Variants in TTC17 observed in about 807,000 individuals in gnomAD.
The protein encoded by TTC17 is tetratricopeptide repeat protein 17.
In TTC17, 58 loss-of-function variants were observed where a neutral mutation model predicts 143.8. That is an observed-to-expected ratio of 0.40 (90% CI 0.33 to 0.50). The LOEUF (loss-of-function observed/expected upper bound fraction) is 0.50, where lower values mean the gene tolerates loss of function less well. Ranked by LOEUF, TTC17 falls within the 20% of genes least tolerant of loss-of-function variation. The pLI is 0.49. For missense variants in TTC17, 1,273 were observed against 1,392.5 expected, an observed-to-expected ratio of 0.91 and a Z score of 1.37; for synonymous variants, 501 against 497.8, an observed-to-expected ratio of 1.01 and a Z score of -0.09.
At chr11:43,472,044 T>TA (rs1948102363) in intron 21 of TTC17, among the ~76,000 whole-genome samples, 1 of 150,316 alleles carries the variant, frequency 6.7e-6, no homozygotes, top group Non-Finnish European at 1.5e-5. Context: ...ATACAACAGT[T>TA]AAAATTAAAC....
At chr11:43,450,283 G>T (rs1947632407) in intron 20 of TTC17, 42 bp downstream of exon 20, 2 of 1,587,742 alleles carry the variant, frequency 1.3e-6, no homozygotes, top group Non-Finnish European at 1.7e-6. Flanking sequence ...TAGCCTCACA[G>T]TTAGGATGCA....
chr11:43,372,744 G>T (rs1024220831), intron 1 of TTC17, among the ~76,000 whole-genome samples: 1 of 152,046 alleles, frequency 6.6e-6, no homozygotes, highest in Non-Finnish European at 1.5e-5. Context: ...ACCCGCCTCA[G>T]CCTGCCAAAG....
At position 43,362,355 on chromosome 11, in the gene TTC17, A is replaced by C. The variant is rs114754518; in HGVS notation, c.159+3242A>C. On this transcript the variant is annotated intron_variant, in intron 1 of 23. Coordinates refer to ENST00000039989, the MANE Select transcript of TTC17 (RefSeq NM_018259.6). ...TTAAGTACATCAAGGAGTCTTTCCC[A>C]GGAGAGATGAAAATTCATTTGATTT... is the stretch of plus-strand genomic sequence containing the variant. Among the ~76,000 whole-genome samples the C allele has an allele frequency of 8.1e-4, 124 of 152,256 alleles. No homozygotes were observed. In the Middle Eastern group the frequency reaches 0.01, roughly 13 times the overall value.
chr11:43,455,081 AAATAAT>A (rs904867502), intron 21 of TTC17, among the ~76,000 whole-genome samples: 20 of 150,844 alleles, frequency 1.3e-4, no homozygotes, highest in Non-Finnish European at 1.9e-4. Context: ...AGAATGCAAA[AAATAAT>A]AATAATAATA....
Position 43,405,567 on chromosome 11 carries a change from T to G in TTC17, c.1533T>G (p.Pro511=). 1 of 1,613,980 alleles carries G rather than the reference T, an allele frequency of 6.2e-7. No homozygotes were observed. The highest frequency in any genetic ancestry group is 1.3e-5 in the African/African-American group (1 of 75,046). Residue 511 remains proline (P), a synonymous_variant, in exon 12 of 24, where the codon CCT becomes CCG. Transcript: ENST00000039989. The part of the protein sequence containing the change: ...PKRADCTESY[P]RVPVGGELPT... The stretch of plus-strand genomic sequence containing the variant: ...GAGCAGATTGTACAGAAAGCTACCC[T>G]AGAGTCCCTGTTGGTGGGGAATTGC...
intron 16 of TTC17, among the ~76,000 whole-genome samples, chr11:43,441,811 A>C (rs1386747489): frequency 5.9e-5 from 9 of 152,226 alleles, no homozygotes; most frequent in African/African-American, 2.4e-5. Flanking sequence ...CCTCTCTCTC[A>C]GAATTTTTAA....
At chr11:43,403,154 G>A (rs551387285) in intron 10 of TTC17, among the ~76,000 whole-genome samples, 1 of 152,206 alleles carries the variant, frequency 6.6e-6, no homozygotes, top group East Asian at 1.9e-4. Context: ...GGGAAGAAGG[G>A]GGATGTTTAG....
At chr11:43,434,555 G>C (rs142439908) in intron 16 of TTC17, among the ~76,000 whole-genome samples, 10 of 152,290 alleles carry the variant, frequency 6.6e-5, no homozygotes, top group African/African-American at 2.4e-4. Flanking sequence ...TGGTTTTTAT[G>C]AGGATAAAGT....
chr11:43,375,261 AG>A (rs1379656142), intron 1 of TTC17, among the ~76,000 whole-genome samples: 5 of 152,140 alleles, frequency 3.3e-5, no homozygotes, highest in Non-Finnish European at 7.4e-5. Context: ...ACCATGACCA[AG>A]GGAAAGAAAT....
intron 5 of TTC17, among the ~76,000 whole-genome samples, chr11:43,394,866 A>T (rs1294426368): frequency 6.6e-6 from 1 of 152,138 alleles, no homozygotes; most frequent in African/African-American, 2.4e-5. Context: ...AAAGCCAGCA[A>T]AAAAGACCAG....
At chr11:43,466,967 TA>T (rs1444144912) in intron 21 of TTC17, 1 of 158,192 alleles carries the variant, frequency 6.3e-6, no homozygotes, top group African/African-American at 2.4e-5. Flanking sequence ...CAATATCCTA[TA>T]ATATTTGTGC....
chr11:43,395,945 G>A (rs911509688), intron 5 of TTC17, among the ~76,000 whole-genome samples: 4 of 151,970 alleles, frequency 2.6e-5, no homozygotes, highest in Non-Finnish European at 5.9e-5. Flanking sequence ...AGAATTGTGG[G>A]AGTCAAAGGG....
chr11:43,421,161 G>T (rs1361099998), intron 16 of TTC17, among the ~76,000 whole-genome samples: 2 of 152,034 alleles, frequency 1.3e-5, no homozygotes, highest in African/African-American at 4.8e-5. Context: ...AAGGGGTTGG[G>T]GTCATTAAGG....
chr11:43,457,301 A>G (rs1241569270), intron 21 of TTC17, among the ~76,000 whole-genome samples: 1 of 152,140 alleles, frequency 6.6e-6, no homozygotes, highest in African/African-American at 2.4e-5. Flanking sequence ...TCAGGCAGGA[A>G]TGAGTTGATC....
Position 43,450,079 on chromosome 11 carries a change from C to T in TTC17, c.2787-3C>T. ...AGCTAATGTGGTAATCTCCATTTTTCAGCATCACAGAACACATAGATTTTG... is the reference window on the plus strand; with the variant it reads ...AGCTAATGTGGTAATCTCCATTTTTTAGCATCACAGAACACATAGATTTTG... On this transcript the variant is annotated splice_polypyrimidine_tract_variant and splice_region_variant and intron_variant, in intron 19 of 23. Transcript: ENST00000039989. 2.5e-6 allele frequency: 4 copies of T among 1,610,898 alleles called. No individual in the cohort carries two copies. Among genetic ancestry groups the T allele is most frequent in the East Asian group, 2.2e-5 (1 of 44,822 alleles).
chr11:43,391,789 A>G (rs374822444), intron 4 of TTC17, 32 bp from the exon 5 acceptor site: 1 of 1,605,026 alleles, frequency 6.2e-7, no homozygotes, highest in African/African-American at 1.3e-5. Context: ...ATATCCTTTG[A>G]TATGTCTTTT....
intron 23 of TTC17, 21 bp from the exon 24 acceptor site, chr11:43,493,752 T>C: frequency 6.2e-7 from 1 of 1,613,946 alleles, no homozygotes; most frequent in Non-Finnish European, 8.5e-7. Flanking sequence ...CCCCTCACAT[T>C]TCTCTCCTTG....
At chr11:43,379,186 C>A (rs775151627) in intron 1 of TTC17, 47 bp from the exon 2 acceptor site, 2 of 1,520,374 alleles carry the variant, frequency 1.3e-6, no homozygotes, top group Non-Finnish European at 1.8e-6. Context: ...TAATCCAAAC[C>A]AGCATTAATG....
chr11:43,403,992 T>G lies in TTC17; in HGVS notation c.1333-6T>G. Reference sequence around the variant, plus strand: ...ATTTGATTGAACTTTTTGTTTCATTTTCTAGTTTGGTGAGGATTCATCAAC... The same window carrying G: ...ATTTGATTGAACTTTTTGTTTCATTGTCTAGTTTGGTGAGGATTCATCAAC... On this transcript the variant is annotated splice_region_variant and splice_polypyrimidine_tract_variant and intron_variant, in intron 10 of 23. Transcript: ENST00000039989. 6.3e-7 allele frequency: 1 copy of G among 1,580,456 alleles called. No homozygotes were observed. Among genetic ancestry groups the G allele is most frequent in the Non-Finnish European group, 8.6e-7 (1 of 1,163,892 alleles).
Sources: gnomAD v4.1 joint callset for allele counts (sites outside exome capture counted in the v4.1 genomes callset) on GRCh38, gnomAD v4.1.1 for gene constraint, MANE v1.5 for transcripts, NCBI Gene and HGNC (gene_info 2026-07-23, HGNC 2026-07-21) for gene names.